Variants in TRAF5 observed in about 807,000 individuals in gnomAD.
The protein encoded by TRAF5 is TNF receptor associated factor 5, also known as TNF receptor-associated factor 5.
Under a neutral mutation model 64.5 loss-of-function variants are expected in TRAF5, and 48 were observed. That is an observed-to-expected ratio of 0.74 (90% CI 0.59 to 0.95). TRAF5 has a LOEUF of 0.95. TRAF5 is among the 40% of genes least tolerant of loss of function. TRAF5 has a pLI of 0.00. For synonymous variants in TRAF5, 206 were observed against 240.5 expected (o/e 0.86, Z 1.33); for missense variants, 545 against 662.8 (o/e 0.82, Z 1.95).
chr1:211,340,646 C>G (rs1447247432), intron 1 of TRAF5, among the ~76,000 whole-genome samples: 1 of 152,224 alleles, frequency 6.6e-6, no homozygotes, highest in African/African-American at 2.4e-5. Context: ...TCTAGACTTT[C>G]TGGCTCCTTG....
chr1:211,356,055 A>G (rs1008100025), intron 3 of TRAF5, among the ~76,000 whole-genome samples: 1 of 152,242 alleles, frequency 6.6e-6, no homozygotes, highest in African/African-American at 2.4e-5. Context: ...AGCTGAAAGC[A>G]TCACCCTTGG....
At chr1:211,362,553 G>A (rs1355473705) in intron 7 of TRAF5, among the ~76,000 whole-genome samples, 2 of 152,040 alleles carry the variant, frequency 1.3e-5, no homozygotes, top group Non-Finnish European at 1.5e-5. Context: ...GGTGGTGCAC[G>A]CCTGTAATCC....
chr1:211,349,731 G>T (rs1056554114), intron 1 of TRAF5, among the ~76,000 whole-genome samples: 1 of 152,240 alleles, frequency 6.6e-6, no homozygotes, highest in African/African-American at 2.4e-5. Flanking sequence ...AGAGTGCAGA[G>T]TGTAGTGGAG....
Position 211,359,946 on chromosome 1 carries a change from A to G in TRAF5, c.413A>G (p.Gln138Arg). Residue 138 changes from glutamine (Q) to arginine (R), a missense_variant, in exon 5 of 11, where the codon CAG becomes CGG. Gln to Arg is a conservative substitution (Grantham distance 43). Transcript: ENST00000261464. Reference sequence around the variant, plus strand: ...CAGCAGTGCTTATTTCAACCTGTGCAGTGTTCTAATGAGAAGTGCCGGGAG... The same window carrying G: ...CAGCAGTGCTTATTTCAACCTGTGCGGTGTTCTAATGAGAAGTGCCGGGAG... ...HLQQCLFQPV[Q>R]CSNEKCREPV... 1 of 1,614,052 alleles carries G rather than the reference A, an allele frequency of 6.2e-7. No individual in the cohort carries two copies.
At chr1:211,345,839 T>C (rs1468509001) in intron 1 of TRAF5, among the ~76,000 whole-genome samples, 1 of 152,104 alleles carries the variant, frequency 6.6e-6, no homozygotes, top group African/African-American at 2.4e-5. Flanking sequence ...CGGGGAGAGA[T>C]CCCCTGGCTT....
At chr1:211,372,001 C>T (rs1703540036) in intron 10 of TRAF5, 127 bp from the exon 11 acceptor site, 4 of 791,972 alleles carry the variant, frequency 5.1e-6, no homozygotes, top group East Asian at 2.6e-5. Context: ...CAAATGAATT[C>T]AGCTCATCTT....
Position 211,365,443 on chromosome 1 carries a change from A to G in TRAF5, c.764A>G (p.Glu255Gly). 6.2e-7 allele frequency: 1 copy of G among 1,613,676 alleles called. No homozygotes were observed. The highest frequency in any genetic ancestry group is 1.7e-5 in the Admixed American group (1 of 59,974). Residue 255 changes from glutamate (E) to glycine (G), a missense_variant, in exon 8 of 11, where the codon GAA becomes GGA. By Grantham distance (98) the Glu-to-Gly change is moderately conservative. Transcript: ENST00000261464. ...ALREHMRLVL[E>G]KNVQLEEQIS... ...CGGGAGCACATGCGTTTGGTTTTAG[A>G]AAAGAATGTCCAATTAGAAGAACAG...
intron 1 of TRAF5, among the ~76,000 whole-genome samples, chr1:211,336,680 G>T (rs2102715723): frequency 6.6e-6 from 1 of 152,292 alleles, no homozygotes; most frequent in Non-Finnish European, 1.5e-5. Flanking sequence ...TCTGTTTTGA[G>T]ACGGAGTCTT....
At position 211,374,443 on chromosome 1, in the gene TRAF5, A is replaced by G. The variant is rs541804938; in HGVS notation, c.*1741A>G. 4 of 152,318 alleles carry G rather than the reference A, an allele frequency of 2.6e-5. No individual in the cohort carries two copies. The highest frequency in any genetic ancestry group is 9.6e-5 in the African/African-American group (4 of 41,562). The allele number at this position is 152,318 out of a possible 1,614,324, so 9.4% of individuals were successfully genotyped here. ...TATATGAGTGTCTTCTGGGAAGAGG[A>G]ACCTTCTTAATCTCTTCTGTGGGAT... On this transcript the variant is annotated 3_prime_UTR_variant, in exon 11 of 11. Transcript: ENST00000261464.
intron 1 of TRAF5, among the ~76,000 whole-genome samples, chr1:211,328,892 G>C (rs1458713322): frequency 6.6e-6 from 1 of 152,186 alleles, no homozygotes; most frequent in Non-Finnish European, 1.5e-5. Context: ...AGATTGTGAG[G>C]GTGAAGCACT....
chr1:211,361,854 G>T lies in TRAF5; in HGVS notation c.696+692G>T, dbSNP rs1253848199. Among the ~76,000 whole-genome samples, 3 of 151,786 alleles carry T rather than the reference G, an allele frequency of 2.0e-5. No individual in the cohort carries two copies. The South Asian group carries it at 6.2e-4, about 32-fold the overall frequency. On this transcript the variant is annotated intron_variant, in intron 7 of 10. Transcript: ENST00000261464. ...TGGGATTTCAGGCACCCGCCATCATGCCTGGCTAATTTTTGTATTTTTAGT... is the reference window on the plus strand; with the variant it reads ...TGGGATTTCAGGCACCCGCCATCATTCCTGGCTAATTTTTGTATTTTTAGT...
intron 1 of TRAF5, among the ~76,000 whole-genome samples, chr1:211,344,712 G>C (rs1412599402): frequency 6.6e-6 from 1 of 152,182 alleles, no homozygotes; most frequent in Non-Finnish European, 1.5e-5. Flanking sequence ...GTGCCAGGAG[G>C]ATAGCCTAAC....
At chr1:211,369,326 TC>T in intron 8 of TRAF5, 125 bp from the exon 9 acceptor site, 1 of 912,808 alleles carries the variant, frequency 1.1e-6, no homozygotes, top group Non-Finnish European at 1.6e-6. Flanking sequence ...GTAAATATTT[TC>T]CTAGAAATAA....
At chr1:211,333,000 T>C (rs1046080525) in intron 1 of TRAF5, among the ~76,000 whole-genome samples, 1 of 152,226 alleles carries the variant, frequency 6.6e-6, no homozygotes, top group African/African-American at 2.4e-5. Flanking sequence ...TCTTTGATAC[T>C]AACAGTTCCC....
At chr1:211,359,175 T>C (rs1226726086) in intron 4 of TRAF5, 3 of 152,128 alleles carry the variant, frequency 2.0e-5, no homozygotes, top group Non-Finnish European at 4.4e-5. Flanking sequence ...CAGGCTGGAC[T>C]TGAGTCCTGG....
intron 10 of TRAF5, among the ~76,000 whole-genome samples, chr1:211,371,752 T>C (rs17017432): frequency 0.17 from 25,568 of 152,192 alleles, 2,284 homozygotes; most frequent in African/African-American, 0.23. Flanking sequence ...TGAAAAATAA[T>C]GAGAAGACTC....
At chr1:211,334,352 A>T (rs1253472625) in intron 1 of TRAF5, among the ~76,000 whole-genome samples, 1 of 152,154 alleles carries the variant, frequency 6.6e-6, no homozygotes, top group Non-Finnish European at 1.5e-5. Context: ...CAGAAGAAAA[A>T]CAGGTGTTCC....
chr1:211,357,768 G>GT (rs1393597417), intron 4 of TRAF5: 10 of 152,156 alleles, frequency 6.6e-5, no homozygotes, highest in Admixed American at 4.6e-4. Context: ...AGCTGCATTT[G>GT]TTTATCTCAC....
intron 1 of TRAF5, among the ~76,000 whole-genome samples, chr1:211,345,875 C>T (rs1480062059): frequency 2.6e-5 from 4 of 152,214 alleles, no homozygotes; most frequent in African/African-American, 4.8e-5. Context: ...CTTCCCATCC[C>T]AGTGCCTCTC....
Sources: gnomAD v4.1 joint callset for allele counts (sites outside exome capture counted in the v4.1 genomes callset) on GRCh38, gnomAD v4.1.1 for gene constraint, MANE v1.5 for transcripts, NCBI Gene and HGNC (gene_info 2026-07-23, HGNC 2026-07-21) for gene names.